Variants in USH2A observed in about 807,000 individuals in gnomAD.
The protein encoded by USH2A is usherin.
In USH2A, 443 loss-of-function variants were observed where a neutral mutation model predicts 538.9. The observed-to-expected ratio is 0.82, with a 90% CI of 0.76 to 0.89. The LOEUF (loss-of-function observed/expected upper bound fraction) is 0.89, where lower values mean the gene tolerates loss of function less well. USH2A is among the 40% of genes least tolerant of loss of function. The pLI, the probability that USH2A is intolerant of heterozygous loss-of-function variation, is 0.00. For missense variants in USH2A, 6,633 were observed against 6,324.8 expected (o/e 1.05, Z -1.65); for synonymous variants, 2,413 against 2,273.5 (o/e 1.06, Z -1.75).
intron 16 of USH2A, among the ~76,000 whole-genome samples, chr1:216,206,274 T>G (rs1167893816): frequency 6.6e-6 from 1 of 152,182 alleles, no homozygotes; most frequent in Non-Finnish European, 1.5e-5. Context: ...TTTAATAACT[T>G]TATTTACTTT....
intron 30 of USH2A, among the ~76,000 whole-genome samples, chr1:216,067,358 A>G (rs894767686): frequency 6.6e-6 from 1 of 152,048 alleles, no homozygotes; most frequent in Non-Finnish European, 1.5e-5. Flanking sequence ...TGGCACATGT[A>G]TACCTATGTA....
intron 40 of USH2A, among the ~76,000 whole-genome samples, chr1:215,895,086 C>G (rs936363242): frequency 2.0e-5 from 3 of 152,146 alleles, no homozygotes; most frequent in Non-Finnish European, 4.4e-5. Context: ...CCTTGCCAGA[C>G]AGAGGAAATC....
chr1:216,008,873 G>A (rs542351039), intron 32 of USH2A, among the ~76,000 whole-genome samples: 3 of 152,164 alleles, frequency 2.0e-5, no homozygotes, highest in African/African-American at 7.2e-5. Flanking sequence ...CGCCAGTCAC[G>A]GACTGGGAAG....
intron 21 of USH2A, among the ~76,000 whole-genome samples, chr1:216,143,001 C>G (rs932757729): frequency 2.0e-5 from 3 of 152,034 alleles, no homozygotes; most frequent in Non-Finnish European, 4.4e-5. Flanking sequence ...ATCATGTGTC[C>G]CCTCTGCCTT....
intron 21 of USH2A, among the ~76,000 whole-genome samples, chr1:216,138,871 A>G (rs1475366614): frequency 6.6e-6 from 1 of 152,126 alleles, no homozygotes; most frequent in Non-Finnish European, 1.5e-5. Context: ...AGTATTCAAC[A>G]TAAATGAGCT....
chr1:215,898,493 T>C (rs1047792117), intron 40 of USH2A, among the ~76,000 whole-genome samples: 3 of 152,134 alleles, frequency 2.0e-5, no homozygotes, highest in African/African-American at 4.8e-5. Context: ...AGATGGCAGG[T>C]CATGGCCCTC....
intron 3 of USH2A, among the ~76,000 whole-genome samples, chr1:216,404,956 T>TCTCAAACTCCAGAG (rs2039368550): frequency 6.6e-6 from 1 of 151,838 alleles, no homozygotes; most frequent in African/African-American, 2.4e-5. Flanking sequence ...CCCAGGCTGG[T>TCTCAAACTCCAGAG]CTCAAACTCC....
chr1:215,864,667 TG>T (rs1664425158), intron 44 of USH2A, among the ~76,000 whole-genome samples: 1 of 152,160 alleles, frequency 6.6e-6, no homozygotes, highest in African/African-American at 2.4e-5. Context: ...TCAAATACTG[TG>T]GGCAAAACAG....
At chr1:216,047,489 A>G (rs111257680) in intron 31 of USH2A, among the ~76,000 whole-genome samples, 1,572 of 152,272 alleles carry the variant, frequency 0.01, 13 homozygotes, top group South Asian at 0.018. Flanking sequence ...TGGGTCACTG[A>G]CAGCATAGTT....
intron 60 of USH2A, among the ~76,000 whole-genome samples, chr1:215,737,543 T>C (rs1364845159): frequency 2.0e-5 from 3 of 151,964 alleles, no homozygotes; most frequent in Non-Finnish European, 2.9e-5. Context: ...TACTCTTTTC[T>C]TTGTTTATTT....
At chr1:216,386,482 CTCAAAAAA>C (rs1299349760) in intron 3 of USH2A, among the ~76,000 whole-genome samples, 6 of 105,748 alleles carry the variant, frequency 5.7e-5, no homozygotes, top group African/African-American at 2.0e-4. Flanking sequence ...CGAGACTCGT[CTCAAAAAA>C]ACAAACAAAC....
intron 9 of USH2A, among the ~76,000 whole-genome samples, chr1:216,306,421 C>G (rs2037318090): frequency 6.6e-6 from 1 of 152,084 alleles, no homozygotes; most frequent in Non-Finnish European, 1.5e-5. Flanking sequence ...TATCCTGTAA[C>G]ATTTTTGAAA....
At chr1:216,405,048 G>A (rs766618997) in intron 3 of USH2A, among the ~76,000 whole-genome samples, 23 of 152,050 alleles carry the variant, frequency 1.5e-4, no homozygotes, top group South Asian at 2.1e-4. Flanking sequence ...CCAATTTTTC[G>A]TAAAGACAAG....
At chr1:215,749,301 G>A (rs1660561950) in intron 58 of USH2A, among the ~76,000 whole-genome samples, 1 of 152,138 alleles carries the variant, frequency 6.6e-6, no homozygotes. Flanking sequence ...TGCTTCTACC[G>A]CATGTCAAAT....
intron 69 of USH2A, among the ~76,000 whole-genome samples, chr1:215,636,484 G>A (rs1352072376): frequency 6.6e-6 from 1 of 152,158 alleles, no homozygotes; most frequent in Non-Finnish European, 1.5e-5. Context: ...CCCTAATTAG[G>A]AACCAATGTG....
chr1:215,845,800 A>G, intron 45 of USH2A, 24 bp downstream of exon 45: 1 of 1,609,568 alleles, frequency 6.2e-7, no homozygotes, highest in Non-Finnish European at 8.5e-7. Flanking sequence ...TCTGAGGCAA[A>G]TATCCTTTAG....
At chr1:216,292,755 A>T (rs1008556418) in intron 9 of USH2A, among the ~76,000 whole-genome samples, 1 of 152,188 alleles carries the variant, frequency 6.6e-6, no homozygotes, top group African/African-American at 2.4e-5. Context: ...TGTTACAAAC[A>T]TGCAAAGTGA....
intron 49 of USH2A, among the ~76,000 whole-genome samples, chr1:215,802,997 T>C (rs139210129): frequency 0.016 from 2,486 of 152,240 alleles, 87 homozygotes; most frequent in African/African-American, 0.058. Flanking sequence ...TCAATAAACA[T>C]AATCCAGCAT....
intron 56 of USH2A, among the ~76,000 whole-genome samples, chr1:215,762,699 C>T (rs926232874): frequency 6.6e-6 from 1 of 152,058 alleles, no homozygotes; most frequent in African/African-American, 2.4e-5. Flanking sequence ...GAATTTGTCC[C>T]CTTCACCATG....
Sources: gnomAD v4.1 joint callset for allele counts (sites outside exome capture counted in the v4.1 genomes callset) on GRCh38, gnomAD v4.1.1 for gene constraint, MANE v1.5 for transcripts, NCBI Gene and HGNC (gene_info 2026-07-23, HGNC 2026-07-21) for gene names.